Variants in AGPAT4 observed in about 807,000 individuals in gnomAD.
AGPAT4 encodes the protein 1-acylglycerol-3-phosphate O-acyltransferase 4.
In AGPAT4, 15 loss-of-function variants were observed where a neutral mutation model predicts 48.0. That is an observed-to-expected ratio of 0.31 (90% CI 0.21 to 0.48). The LOEUF is 0.48. Among genes scored for constraint, AGPAT4 ranks in the 20% least tolerant of loss-of-function variants. The probability of loss-of-function intolerance (pLI) is 0.99; values close to 1 mark genes in which losing one functional copy is unlikely to be tolerated. For missense variants in AGPAT4, 314 were observed against 482.5 expected, an observed-to-expected ratio of 0.65 and a Z score of 3.27; for synonymous variants, 178 against 198.7, an observed-to-expected ratio of 0.90 and a Z score of 0.88.
rs1465183522 is a variant in AGPAT4, at chr6:161,264,569, C to A, written c.-90+9369G>T. On this transcript the variant is annotated intron_variant, in intron 1 of 8. Transcript: ENST00000320285. This position sits in a 1 kb window ranked among gnomAD's most constrained non-coding sequence, Gnocchi z 6.8. ...CCCCTGGCGTGCCCGCGCATCCCTGCCCTGCAAGTCTTATCCACTGCGTGG... is the reference window on the plus strand; with the variant it reads ...CCCCTGGCGTGCCCGCGCATCCCTGACCTGCAAGTCTTATCCACTGCGTGG... Among the ~76,000 whole-genome samples the A allele has an allele frequency of 6.6e-6, 1 of 152,194 alleles. No individual in the cohort carries two copies. The highest frequency in any genetic ancestry group is 1.5e-5 in the Non-Finnish European group (1 of 68,030).
chr6:161,271,521 C>T (rs144368593), intron 1 of AGPAT4, among the ~76,000 whole-genome samples: 15 of 152,316 alleles, frequency 9.8e-5, no homozygotes, highest in Admixed American at 2.6e-4. Flanking sequence ...AATAAAATGA[C>T]GGCTGACTCA....
At position 161,161,889 on chromosome 6, in the gene AGPAT4, G is replaced by A. The variant is rs1779946168; in HGVS notation, c.348+4359C>T. ...GGGCGCCCTCACGCACAGGCACTCT[G>A]CCTAGGAGGGATAATGCCACTCTCC... On this transcript the variant is annotated intron_variant, in intron 3 of 8. Coordinates refer to ENST00000320285, the MANE Select transcript of AGPAT4 (RefSeq NM_020133.3). The surrounding 1 kb of genome is among the most constrained non-coding windows in gnomAD (Gnocchi z 4.6). 9.3e-6 allele frequency: 2 copies of A among 215,224 alleles called. No homozygotes were observed. Among genetic ancestry groups the A allele is most frequent in the African/African-American group, 2.2e-5 (1 of 44,472 alleles). The allele number at this position is 215,224 out of a possible 1,614,324, so 13.3% of individuals were successfully genotyped here.
In AGPAT4 at chr6:161,180,854, T is replaced by C. The variant is rs1486714265; in HGVS notation, c.179-14437A>G. On this transcript the variant is annotated intron_variant, in intron 2 of 8. Coordinates refer to ENST00000320285, the MANE Select transcript of AGPAT4 (RefSeq NM_020133.3). This position sits in a 1 kb window ranked among gnomAD's most constrained non-coding sequence, Gnocchi z 6.4. ...CCCACCAGACCCTCTCTGTGCCTGATAAATAAAGCCAAAACAGATTTGGTT... is the reference window on the plus strand; with the variant it reads ...CCCACCAGACCCTCTCTGTGCCTGACAAATAAAGCCAAAACAGATTTGGTT... Among the ~76,000 whole-genome samples, 1 of 152,202 alleles carries C rather than the reference T, an allele frequency of 6.6e-6. No homozygotes were observed. The highest frequency in any genetic ancestry group is 2.4e-5 in the African/African-American group (1 of 41,452).
At chr6:161,152,601 A>G (rs1244082385) in intron 5 of AGPAT4, among the ~76,000 whole-genome samples, 1 of 152,104 alleles carries the variant, frequency 6.6e-6, no homozygotes, top group African/African-American at 2.4e-5. Context: ...TTTGCCTCAG[A>G]AGGAGGAGAG....
chr6:161,271,087 C>G (rs1259820374), intron 1 of AGPAT4, among the ~76,000 whole-genome samples: 3 of 152,190 alleles, frequency 2.0e-5, no homozygotes, highest in African/African-American at 7.2e-5. Flanking sequence ...AACAGTCCTT[C>G]TTTTTCTGAT....
intron 1 of AGPAT4, among the ~76,000 whole-genome samples, chr6:161,239,010 A>G (rs1198436332): frequency 6.6e-6 from 1 of 152,200 alleles, no homozygotes; most frequent in Non-Finnish European, 1.5e-5. Context: ...CTGTGTGAGA[A>G]TAGACTAATT....
At position 161,264,607 on chromosome 6, in the gene AGPAT4, G is replaced by A. The variant is rs781185485; in HGVS notation, c.-90+9331C>T. ...ATCCACTGCGTGGGAACCCCTCGCTGAGGCTTCCGTCTTGCCCTCTGGGCA... is the reference window on the plus strand; with the variant it reads ...ATCCACTGCGTGGGAACCCCTCGCTAAGGCTTCCGTCTTGCCCTCTGGGCA... On this transcript the variant is annotated intron_variant, in intron 1 of 8. Transcript: ENST00000320285. The surrounding 1 kb of genome is among the most constrained non-coding windows in gnomAD (Gnocchi z 6.8). Among the ~76,000 whole-genome samples the A allele has an allele frequency of 6.6e-6, 1 of 152,238 alleles. No homozygotes were observed. The highest frequency in any genetic ancestry group is 1.5e-5 in the Non-Finnish European group (1 of 68,036).
At position 161,259,588 on chromosome 6, in the gene AGPAT4, T is replaced by C. The variant is rs185026609; in HGVS notation, c.-90+14350A>G. On this transcript the variant is annotated intron_variant, in intron 1 of 8. Transcript: ENST00000320285. This position sits in a 1 kb window ranked among gnomAD's most constrained non-coding sequence, Gnocchi z 4.9. ...GAAAGGCTACAGCATTTGCCAGGCC[T>C]GGTCAAAATGAGAATGTGGGGTTCC... is the stretch of plus-strand genomic sequence containing the variant. Among the ~76,000 whole-genome samples, 272 of 152,162 alleles carry C rather than the reference T, an allele frequency of 1.8e-3. 2 individuals are homozygous for C. Among genetic ancestry groups the C allele is most frequent in the Non-Finnish European group, 2.7e-3 (183 of 67,996 alleles).
At position 161,200,192 on chromosome 6, in the gene AGPAT4, G is replaced by C. The variant is rs1276238352; in HGVS notation, c.178+31844C>G. On this transcript the variant is annotated intron_variant, in intron 2 of 8. Transcript: ENST00000320285. The surrounding 1 kb of genome is among the most constrained non-coding windows in gnomAD (Gnocchi z 5.5). ...GTTCACCCTTCAGCCCGGTCCCCAT[G>C]AGAAAAAATGTCAAATTGTACATCA... Among the ~76,000 whole-genome samples the C allele has an allele frequency of 6.6e-6, 1 of 152,222 alleles. No individual in the cohort carries two copies. Among genetic ancestry groups the C allele is most frequent in the Admixed American group, 6.5e-5 (1 of 15,278 alleles).
rs989404154 is a variant in AGPAT4, at chr6:161,164,108, T to C, written c.348+2140A>G. Among the ~76,000 whole-genome samples, 2 of 152,260 alleles carry C rather than the reference T, an allele frequency of 1.3e-5. No homozygotes were observed. Among genetic ancestry groups the C allele is most frequent in the Non-Finnish European group, 2.9e-5 (2 of 68,046 alleles). On this transcript the variant is annotated intron_variant, in intron 3 of 8. Coordinates refer to ENST00000320285, the MANE Select transcript of AGPAT4 (RefSeq NM_020133.3). This position sits in a 1 kb window ranked among gnomAD's most constrained non-coding sequence, Gnocchi z 7.4. Reference sequence around the variant, plus strand: ...TTCCCGCCATCAGCGCTCCCGCCCTTATGCTCAGAGTTGTAAAGTGATCAT... The same window carrying C: ...TTCCCGCCATCAGCGCTCCCGCCCTCATGCTCAGAGTTGTAAAGTGATCAT...
At chr6:161,156,586 T>A (rs1429787256) in intron 3 of AGPAT4, among the ~76,000 whole-genome samples, 3 of 152,246 alleles carry the variant, frequency 2.0e-5, no homozygotes, top group African/African-American at 7.2e-5. Context: ...AGCATTATTA[T>A]GACTTTATGA....
rs1781767511 is a variant in AGPAT4, at chr6:161,219,871, A to ATAGATAGGCAGG, written c.178+12164_178+12165insCCTGCCTATCTA. 1.1e-5 allele frequency among the ~76,000 whole-genome samples: 1 copy of ATAGATAGGCAGG among 89,512 alleles called. No homozygotes were observed. The highest frequency in any genetic ancestry group is 2.5e-5 in the Non-Finnish European group (1 of 40,546). 58.7% of individuals were successfully genotyped at this position (89,512 alleles called of 152,430 possible). A position where few individuals can be genotyped will look rare whatever the true frequency, so the allele number is the denominator to read the frequency against. On this transcript the variant is annotated intron_variant, in intron 2 of 8. Coordinates refer to ENST00000320285, the MANE Select transcript of AGPAT4 (RefSeq NM_020133.3). This position sits in a 1 kb window ranked among gnomAD's most constrained non-coding sequence, Gnocchi z 4.9. Reference sequence around the variant, plus strand: ...GATAGATAGATAGATAGATAGATAGATAGGCAGGCAGGCAGGCAGGCAGGC... The same window carrying ATAGATAGGCAGG: ...GATAGATAGATAGATAGATAGATAGATAGATAGGCAGGTAGGCAGGCAGGCAGGCAGGCAGGC...
rs1657172846 is a variant in AGPAT4 at position 161,215,814 on chromosome 6, T to G, written c.178+16222A>C. On this transcript the variant is annotated intron_variant, in intron 2 of 8. Coordinates refer to ENST00000320285, the MANE Select transcript of AGPAT4 (RefSeq NM_020133.3). This position sits in a 1 kb window ranked among gnomAD's most constrained non-coding sequence, Gnocchi z 4.5. ...ACCAACCCATTGTAATTTCTCCTTT[T>G]TAGGTAGATATACCCATTATTTTAT... Among the ~76,000 whole-genome samples, 1 of 152,236 alleles carries G rather than the reference T, an allele frequency of 6.6e-6. No homozygotes were observed. Among genetic ancestry groups the G allele is most frequent in the South Asian group, 2.1e-4 (1 of 4,830 alleles).
rs369884088 is a variant in AGPAT4 at position 161,240,949 on chromosome 6, TA to T, written c.-89-8648del. 2.1e-3 allele frequency among the ~76,000 whole-genome samples: 315 copies of T among 152,202 alleles called. 1 individual carries two copies. The highest frequency in any genetic ancestry group is 7.2e-3 in the African/African-American group (300 of 41,518). ...AACTGTCTTTGGGACGAGCTCTAAG[TA>T]ACATAGTCCTCAATTAAAAAATAAT... is the stretch of plus-strand genomic sequence containing the variant. On this transcript the variant is annotated intron_variant, in intron 1 of 8. Transcript: ENST00000320285. This position sits in a 1 kb window ranked among gnomAD's most constrained non-coding sequence, Gnocchi z 5.5.
rs1780213291 is a variant in AGPAT4 at position 161,169,839 on chromosome 6, A to G, written c.179-3422T>C. On this transcript the variant is annotated intron_variant, in intron 2 of 8. Transcript: ENST00000320285. The surrounding 1 kb of genome is among the most constrained non-coding windows in gnomAD (Gnocchi z 5.0). ...TGTATATTTCTGGTTAGAGGGCACC[A>G]CAAGAGACACTCTTGGGAGGTTTGC... is the stretch of plus-strand genomic sequence containing the variant. Among the ~76,000 whole-genome samples the G allele has an allele frequency of 6.6e-6, 1 of 152,194 alleles. No homozygotes were observed. The highest frequency in any genetic ancestry group is 2.1e-4 in the South Asian group (1 of 4,830).
intron 1 of AGPAT4, among the ~76,000 whole-genome samples, chr6:161,237,287 C>G (rs1055267544): frequency 1.3e-5 from 2 of 152,224 alleles, no homozygotes; most frequent in African/African-American, 4.8e-5. Context: ...TTGGCAAAGT[C>G]TCTGGCAGTC....
chr6:161,256,834 C>G (rs1782957285), intron 1 of AGPAT4, among the ~76,000 whole-genome samples: 1 of 152,222 alleles, frequency 6.6e-6, no homozygotes, highest in African/African-American at 2.4e-5. Flanking sequence ...TTCATGCATT[C>G]TGCCTAGGAG....
At position 161,208,693 on chromosome 6, in the gene AGPAT4, T is replaced by A. The variant is rs1048073214; in HGVS notation, c.178+23343A>T. ...AGAAAAACAATTCAGAAAAAAGAAA[T>A]GCAAAAGAAGTCTATGTGTTCAAAA... is the stretch of plus-strand genomic sequence containing the variant. On this transcript the variant is annotated intron_variant, in intron 2 of 8. Transcript: ENST00000320285. The surrounding 1 kb of genome is among the most constrained non-coding windows in gnomAD (Gnocchi z 4.6). Among the ~76,000 whole-genome samples the A allele has an allele frequency of 1.4e-4, 22 of 152,148 alleles. No individual in the cohort carries two copies. The highest frequency in any genetic ancestry group is 1.2e-4 in the Non-Finnish European group (8 of 68,008).
chr6:161,234,113 T>TC lies in AGPAT4; in HGVS notation c.-89-1812dup, dbSNP rs1330710938. 6.6e-6 allele frequency among the ~76,000 whole-genome samples: 1 copy of TC among 151,962 alleles called. No homozygotes were observed. The highest frequency in any genetic ancestry group is 1.9e-4 in the East Asian group (1 of 5,182). On this transcript the variant is annotated intron_variant, in intron 1 of 8. Coordinates refer to ENST00000320285, the MANE Select transcript of AGPAT4 (RefSeq NM_020133.3). This position sits in a 1 kb window ranked among gnomAD's most constrained non-coding sequence, Gnocchi z 4.4. ...CCCTTTGGCAGAGCAGCCCAGAAAT[T>TC]CCCCCAAGGGCAGAAGACAGCACAG...
Sources: gnomAD v4.1 joint callset for allele counts (sites outside exome capture counted in the v4.1 genomes callset) on GRCh38, gnomAD v4.1.1 for gene constraint, Gnocchi (gnomAD v3.1) non-coding constraint, MANE v1.5 for transcripts, NCBI Gene and HGNC (gene_info 2026-07-23, HGNC 2026-07-21) for gene names.